Variants in PTBP2 observed in about 807,000 individuals in gnomAD.
PTBP2 encodes polypyrimidine tract-binding protein 2.
PTBP2 carries 13 observed loss-of-function variants against 61.4 expected under a neutral mutation model. The ratio of observed to expected loss-of-function variants is 0.21; its 90% CI spans 0.14 to 0.34. The LOEUF (loss-of-function observed/expected upper bound fraction) is 0.34, where lower values mean the gene tolerates loss of function less well. Among genes scored for constraint, PTBP2 ranks in the 10% least tolerant of loss-of-function variants. The pLI is 1.00. For missense variants in PTBP2, 405 were observed against 642.6 expected, an observed-to-expected ratio of 0.63 and a Z score of 4.00; for synonymous variants, 215 against 218.5, an observed-to-expected ratio of 0.98 and a Z score of 0.14.
chr1:96,770,217 T>C (rs1366483202), intron 4 of PTBP2, among the ~76,000 whole-genome samples: 6 of 152,030 alleles, frequency 3.9e-5, no homozygotes, highest in Non-Finnish European at 7.4e-5. Flanking sequence ...TTAAGCTTTA[T>C]GAGAATATGA....
chr1:96,769,891 G>C lies in PTBP2; in HGVS notation c.288+16G>C, dbSNP rs1657191942. 1.3e-6 allele frequency: 2 copies of C among 1,560,842 alleles called. No individual in the cohort carries two copies. The highest frequency in any genetic ancestry group is 8.7e-7 in the Non-Finnish European group (1 of 1,154,746). ...AAAAAATCAGGTACACTTCTTTCAGGGTTTATGAAATGTTAAACCCCAAAC... is the reference window on the plus strand; with the variant it reads ...AAAAAATCAGGTACACTTCTTTCAGCGTTTATGAAATGTTAAACCCCAAAC... On this transcript the variant is annotated intron_variant, in intron 4 of 13. Transcript: ENST00000674951.
chr1:96,738,758 A>C (rs758278934), intron 2 of PTBP2, among the ~76,000 whole-genome samples: 12 of 152,224 alleles, frequency 7.9e-5, no homozygotes, highest in Non-Finnish European at 1.8e-4. Context: ...TTAAATACCA[A>C]AATACCACTT....
At chr1:96,769,395 T>A (rs1657129853) in intron 3 of PTBP2, among the ~76,000 whole-genome samples, 1 of 152,042 alleles carries the variant, frequency 6.6e-6, no homozygotes. Context: ...TTGTATTCTT[T>A]AGTCATTGGA....
chr1:96,822,299 TAGAAAC>T (rs1388278183), exon 14 of PTBP2: 22 of 152,140 alleles, frequency 1.4e-4, no homozygotes, highest in Middle Eastern at 3.2e-3. Flanking sequence ...ACACAAGTGT[TAGAAAC>T]AGAACAGTTT....
chr1:96,809,100 T>C (rs1398009389), intron 11 of PTBP2, among the ~76,000 whole-genome samples: 4 of 152,204 alleles, frequency 2.6e-5, no homozygotes, highest in African/African-American at 9.7e-5. Flanking sequence ...TATGTATATG[T>C]GTGCCTAGTG....
chr1:96,767,738 TAGATA>T (rs1656897970), intron 3 of PTBP2, among the ~76,000 whole-genome samples: 1 of 152,136 alleles, frequency 6.6e-6, no homozygotes. Flanking sequence ...ATGATTTTGT[TAGATA>T]AGATACTACA....
exon 14 of PTBP2, chr1:96,822,842 A>G (rs1662726018): frequency 6.6e-6 from 1 of 152,206 alleles, no homozygotes; most frequent in African/African-American, 2.4e-5. Flanking sequence ...TGGAAGAAAC[A>G]TGCATGTTTT....
intron 3 of PTBP2, among the ~76,000 whole-genome samples, chr1:96,763,025 G>A (rs1261750212): frequency 6.6e-6 from 1 of 151,896 alleles, no homozygotes; most frequent in African/African-American, 2.4e-5. Flanking sequence ...TGGGATGGCG[G>A]CCGGGAAGAG....
intron 3 of PTBP2, among the ~76,000 whole-genome samples, chr1:96,757,803 C>G (rs1194744674): frequency 6.6e-6 from 1 of 152,026 alleles, no homozygotes; most frequent in Non-Finnish European, 1.5e-5. Flanking sequence ...TTAGAAATTA[C>G]ACAATCGTGA....
At chr1:96,761,289 A>G (rs936549112) in intron 3 of PTBP2, among the ~76,000 whole-genome samples, 2 of 151,510 alleles carry the variant, frequency 1.3e-5, no homozygotes, top group Non-Finnish European at 2.9e-5. Context: ...AATGAGAAAT[A>G]TGAGATTGGG....
chr1:96,761,346 A>ATATGTGTGTG (rs375632927), intron 3 of PTBP2, among the ~76,000 whole-genome samples: 6 of 140,480 alleles, frequency 4.3e-5, no homozygotes, highest in African/African-American at 1.6e-4. Context: ...GTGGGATTTG[A>ATATGTGTGTG]TGTGTGTGTG....
intron 11 of PTBP2, among the ~76,000 whole-genome samples, chr1:96,808,171 TAA>T: frequency 6.6e-6 from 1 of 151,142 alleles, no homozygotes. Flanking sequence ...TTGTTTTATG[TAA>T]AGACTGTTTT....
intron 2 of PTBP2, among the ~76,000 whole-genome samples, chr1:96,734,360 A>G (rs552477715): frequency 6.6e-6 from 1 of 152,296 alleles, no homozygotes; most frequent in East Asian, 1.9e-4. Context: ...AAATATAATC[A>G]AAAGACTGTT....
At chr1:96,799,293 G>GTTTTTTTTTTTTTTTTTTT (rs1557768004) in intron 8 of PTBP2, among the ~76,000 whole-genome samples, 5 of 88,282 alleles carry the variant, frequency 5.7e-5, no homozygotes, top group African/African-American at 2.3e-4. Flanking sequence ...AATAGATCAA[G>GTTTTTTTTTTTTTTTTTTT]CTTTTTTTTT....
intron 2 of PTBP2, among the ~76,000 whole-genome samples, chr1:96,739,787 G>A (rs1025118355): frequency 1.3e-5 from 2 of 150,022 alleles, no homozygotes; most frequent in Admixed American, 1.3e-4. Context: ...CTAATTTTTT[G>A]TATATATATA....
chr1:96,800,761 C>G (rs1660901998), intron 8 of PTBP2, among the ~76,000 whole-genome samples: 1 of 151,888 alleles, frequency 6.6e-6, no homozygotes, highest in Non-Finnish European at 1.5e-5. Context: ...AAGCTTTAGC[C>G]TAGGCTTTTA....
chr1:96,736,450 G>T (rs893230837), intron 2 of PTBP2, among the ~76,000 whole-genome samples: 1 of 152,108 alleles, frequency 6.6e-6, no homozygotes, highest in African/African-American at 2.4e-5. Context: ...ATCTAGTATT[G>T]ATTGGAGCTG....
intron 8 of PTBP2, among the ~76,000 whole-genome samples, chr1:96,797,466 C>A (rs537911985): frequency 1.3e-5 from 2 of 152,192 alleles, no homozygotes; most frequent in Admixed American, 6.5e-5. Context: ...TGAATTGTTT[C>A]AAGAAAGAAT....
chr1:96,776,027 G>A (rs919579577), intron 5 of PTBP2, among the ~76,000 whole-genome samples: 1 of 151,988 alleles, frequency 6.6e-6, no homozygotes, highest in Non-Finnish European at 1.5e-5. Context: ...AATACTGTGA[G>A]GGGTTGGTAG....
Sources: gnomAD v4.1 joint callset for allele counts (sites outside exome capture counted in the v4.1 genomes callset) on GRCh38, gnomAD v4.1.1 for gene constraint, MANE v1.5 for transcripts, NCBI Gene and HGNC (gene_info 2026-07-23, HGNC 2026-07-21) for gene names.